Variants in LRRC39 observed in about 807,000 individuals in gnomAD.
LRRC39 encodes the protein leucine-rich repeat-containing protein 39.
In LRRC39, 35 loss-of-function variants were observed where a neutral mutation model predicts 39.7. That is an observed-to-expected ratio of 0.88 (90% CI 0.67 to 1.17). The LOEUF (loss-of-function observed/expected upper bound fraction) is 1.17, where lower values mean the gene tolerates loss of function less well. Among genes scored for constraint, LRRC39 ranks in the 50% most tolerant of loss-of-function variants. The pLI is 0.00. For synonymous variants in LRRC39, 113 were observed against 134.1 expected (o/e 0.84, Z 1.09); for missense variants, 357 against 385.8 (o/e 0.93, Z 0.62).
Position 100,158,290 on chromosome 1 carries a change from C to A in LRRC39, c.454G>T (p.Ala152Ser). The A allele has an allele frequency of 4.3e-6, 7 of 1,614,070 alleles. No homozygotes were observed. Among genetic ancestry groups the A allele is most frequent in the Non-Finnish European group, 5.9e-6 (7 of 1,179,970 alleles). The change falls in exon 6 of 10, where the codon GCC (alanine) becomes TCC (serine). Residue 152 changes from alanine to serine, a missense_variant. Physicochemically the swap from Ala to Ser is moderately conservative, Grantham distance 99. Coordinates refer to ENST00000370137, the MANE Select transcript of LRRC39 (RefSeq NM_144620.4). ...KTVPKELSNC[A>S]SLEKLELAVN... ...GCCAGTTCTAGTTTCTCCAAGCTGG[C>A]ACAATTACTTAGTTCCTTGGGGACA...
intron 4 of LRRC39, among the ~76,000 whole-genome samples, chr1:100,159,952 T>A (rs1186063579): frequency 6.6e-6 from 1 of 152,190 alleles, no homozygotes; most frequent in Admixed American, 6.5e-5. Context: ...AGGAGCTAAC[T>A]CTGACAAACA....
chr1:100,152,405 T>C lies in LRRC39; in HGVS notation c.932A>G (p.Gln311Arg). The change falls in exon 9 of 10, where the codon CAA becomes CGA. Residue 311 changes from glutamine to arginine, a missense_variant. Gln to Arg is a conservative substitution (Grantham distance 43). Coordinates refer to ENST00000370137, the MANE Select transcript of LRRC39 (RefSeq NM_144620.4). ...TATACCTGCTCTTCTCCGTGACTCT[T>C]GTATGTATGTGTGCATAAACTGAAG... The part of the protein sequence containing the change: ...FGLQFMHTYI[Q>R]ESRRRADHQV... 6.2e-7 allele frequency: 1 copy of C among 1,613,950 alleles called. No individual in the cohort carries two copies. Among genetic ancestry groups the C allele is most frequent in the Non-Finnish European group, 8.5e-7 (1 of 1,179,950 alleles).
rs767077114 is a variant in LRRC39 at position 100,148,863 on chromosome 1, A to AT, written c.*178dup. ...CATCATCTGTCTTCCACCAAAAAAA[A>AT]TTTTTTAATTATATTTTTATATCAA... On this transcript the variant is annotated 3_prime_UTR_variant, in exon 10 of 10. Transcript: ENST00000370137. The AT allele has an allele frequency of 1.6e-6, 2 of 1,247,534 alleles. No individual in the cohort carries two copies. The highest frequency in any genetic ancestry group is 2.6e-5 in the South Asian group (1 of 37,824). 77.3% of individuals were successfully genotyped at this position (1,247,534 alleles called of 1,614,324 possible).
chr1:100,172,604 C>T (rs905891170), intron 2 of LRRC39, among the ~76,000 whole-genome samples: 1 of 151,814 alleles, frequency 6.6e-6, no homozygotes, highest in Non-Finnish European at 1.5e-5. Flanking sequence ...GGGCAGATTG[C>T]ATGAACTCAG....
chr1:100,160,694 G>A (rs1008735416), intron 3 of LRRC39, 123 bp from the exon 4 acceptor site: 21 of 609,150 alleles, frequency 3.4e-5, no homozygotes, highest in East Asian at 9.2e-5. Context: ...GCCCGATCTC[G>A]GCCCACTGCA....
In LRRC39 at chr1:100,151,557, C is replaced by A. The variant is rs577761103; in HGVS notation, c.952+828G>T. The stretch of plus-strand genomic sequence containing the variant: ...TATTCATTTTTCAAACTAGTTGTTG[C>A]ATTAAGTTGAACTAAAATCTACCTT... On this transcript the variant is annotated intron_variant, in intron 9 of 9. Transcript: ENST00000370137. Among the ~76,000 whole-genome samples, 4 of 152,240 alleles carry A rather than the reference C, an allele frequency of 2.6e-5. No individual in the cohort carries two copies. In the South Asian group the frequency reaches 8.3e-4, roughly 32 times the overall value.
intron 1 of LRRC39, among the ~76,000 whole-genome samples, chr1:100,173,696 G>A (rs1659779061): frequency 1.3e-5 from 2 of 152,060 alleles, no homozygotes; most frequent in Non-Finnish European, 2.9e-5. Context: ...TTTTTCATGA[G>A]TACAATTATG....
chr1:100,151,266 C>G (rs1570759658), intron 9 of LRRC39, among the ~76,000 whole-genome samples: 1 of 152,162 alleles, frequency 6.6e-6, no homozygotes, highest in African/African-American at 2.4e-5. Flanking sequence ...GCCCTCTAAA[C>G]CAAAAACATT....
In LRRC39 at chr1:100,158,924, A is replaced by G. The variant is rs74934252; in HGVS notation, c.376+335T>C. 2.9e-3 allele frequency among the ~76,000 whole-genome samples: 432 copies of G among 150,132 alleles called. 3 individuals are homozygous for G. The highest frequency in any genetic ancestry group is 0.01 in the African/African-American group (417 of 40,966). On this transcript the variant is annotated intron_variant, in intron 5 of 9. Transcript: ENST00000370137. ...AAATCCTCAGCAATTTTCTATTTGG[A>G]TTTTTTTTTCCCATTTGAAGAATCT...
intron 9 of LRRC39, chr1:100,149,743 C>A (rs980613945): frequency 4.6e-6 from 1 of 219,048 alleles, no homozygotes; most frequent in African/African-American, 2.4e-5. Flanking sequence ...AAATACTAAA[C>A]CAAATATATG....
At position 100,149,086 on chromosome 1, in the gene LRRC39, T is replaced by A. The variant is rs1489064112; in HGVS notation, c.964A>T (p.Asn322Tyr). ...ESRRRADHQV[N>Y]GSTTLPISIN... The stretch of plus-strand genomic sequence containing the variant: ...GAGATTGGTAAAGTAGTTGAACCGT[T>A]GACTTGGTGATCTGAAACATACATA... The change falls in exon 10 of 10, where the codon AAC (asparagine) becomes TAC (tyrosine). Residue 322 changes from asparagine (N) to tyrosine (Y), a missense_variant. Asn to Tyr is a moderately radical substitution (Grantham distance 143). Coordinates refer to ENST00000370137, the MANE Select transcript of LRRC39 (RefSeq NM_144620.4). 1 of 1,602,136 alleles carries A rather than the reference T, an allele frequency of 6.2e-7. No individual in the cohort carries two copies. The highest frequency in any genetic ancestry group is 8.5e-7 in the Non-Finnish European group (1 of 1,176,108).
chr1:100,171,506 T>TG (rs1659597027), intron 2 of LRRC39, among the ~76,000 whole-genome samples: 1 of 148,676 alleles, frequency 6.7e-6, no homozygotes. Context: ...CTTTCTTCTT[T>TG]TTTTTTTTTT....
At chr1:100,153,376 T>A (rs1392820889) in intron 8 of LRRC39, among the ~76,000 whole-genome samples, 1 of 152,088 alleles carries the variant, frequency 6.6e-6, no homozygotes. Context: ...GAAAAACTCT[T>A]CTGGACATTG....
chr1:100,176,953 C>T (rs1056610603), intron 1 of LRRC39, among the ~76,000 whole-genome samples: 11 of 152,050 alleles, frequency 7.2e-5, no homozygotes, highest in East Asian at 3.8e-4. Context: ...ATAAGAACAC[C>T]GATATCCACA....
At chr1:100,167,396 C>G (rs1036616698) in intron 3 of LRRC39, among the ~76,000 whole-genome samples, 2 of 152,102 alleles carry the variant, frequency 1.3e-5, no homozygotes, top group African/African-American at 4.8e-5. Context: ...AGCCTCACTT[C>G]CCTATCGCCT....
chr1:100,154,737 G>C (rs756293423), intron 8 of LRRC39, among the ~76,000 whole-genome samples: 1 of 151,998 alleles, frequency 6.6e-6, no homozygotes, highest in Non-Finnish European at 1.5e-5. Context: ...ACCCATAAAG[G>C]TCACACATTT....
At chr1:100,151,248 A>T (rs865833717) in intron 9 of LRRC39, among the ~76,000 whole-genome samples, 4 of 151,860 alleles carry the variant, frequency 2.6e-5, no homozygotes, top group Admixed American at 1.3e-4. Context: ...ACCACCATCT[A>T]TCCAGTTGCC....
chr1:100,175,056 C>G (rs887827502), intron 1 of LRRC39, among the ~76,000 whole-genome samples: 9 of 149,770 alleles, frequency 6.0e-5, no homozygotes, highest in Non-Finnish European at 1.5e-5. Context: ...CCTTTGCCTT[C>G]CACCATGATT....
At chr1:100,153,522 G>A (rs944478333) in intron 8 of LRRC39, among the ~76,000 whole-genome samples, 41 of 152,012 alleles carry the variant, frequency 2.7e-4, no homozygotes, top group Admixed American at 6.6e-5. Flanking sequence ...CCTATAGAAT[G>A]GGAGAAAATA....
Sources: allele counts gnomAD v4.1 joint callset (sites outside exome capture counted in the v4.1 genomes callset), GRCh38; gene constraint gnomAD v4.1.1; transcripts MANE v1.5; gene names NCBI Gene and HGNC (gene_info 2026-07-23, HGNC 2026-07-21).